The following DLC1 variants were observed in gnomAD, a reference collection of about 807,000 sequenced individuals.
DLC1 encodes DLC1 Rho GTPase activating protein.
DLC1 carries 54 observed loss-of-function variants against 140.3 expected under a neutral mutation model. The ratio of observed to expected loss-of-function variants is 0.38; its 90% confidence interval spans 0.31 to 0.48. DLC1 has a LOEUF of 0.48. Among genes scored for constraint, DLC1 ranks in the 20% least tolerant of loss-of-function variants. The pLI is 0.96. For missense variants in DLC1, 2,536 were observed against 1,907.0 expected (o/e 1.33, Z -6.14); for synonymous variants, 986 against 728.1 (o/e 1.35, Z -5.70).
chr8:13,190,759 T>C (rs537650619), intron 5 of DLC1, among the ~76,000 whole-genome samples: 70 of 151,366 alleles, frequency 4.6e-4, no homozygotes, highest in Non-Finnish European at 8.7e-4. Flanking sequence ...GAGAGGTGAG[T>C]GGAAGGGTGG....
chr8:13,464,108 G>C (rs914866056), intron 2 of DLC1, among the ~76,000 whole-genome samples: 2 of 152,182 alleles, frequency 1.3e-5, no homozygotes, highest in Non-Finnish European at 2.9e-5. Flanking sequence ...CAGCAGGGTT[G>C]TTGTTGGATT....
At chr8:13,270,547 A>G (rs896115449) in intron 5 of DLC1, among the ~76,000 whole-genome samples, 1 of 152,152 alleles carries the variant, frequency 6.6e-6, no homozygotes, top group Admixed American at 6.5e-5. Flanking sequence ...GATATCGTAT[A>G]TCTAGCTTGA....
In DLC1 at chr8:13,598,053, A is replaced by C. The variant is rs1805739819; in HGVS notation, c.-126+6484T>G. ...ACTTGTAGTGGTCTGTCCTGTTTCT[A>C]AGTAAACGCCACTAGGCTTCAGTTT... is the stretch of plus-strand genomic sequence containing the variant. On this transcript the variant is annotated intron_variant, in intron 1 of 1. Coordinates refer to the DLC1 transcript ENST00000631382. 3.3e-5 allele frequency among the ~76,000 whole-genome samples: 5 copies of C among 152,166 alleles called. No homozygotes were observed. In the South Asian group the frequency reaches 1.0e-3, roughly 32 times the overall value.
chr8:13,124,909 GT>G (rs1168994778), intron 5 of DLC1, among the ~76,000 whole-genome samples: 2 of 152,018 alleles, frequency 1.3e-5, no homozygotes, highest in East Asian at 3.9e-4. Flanking sequence ...GAGATCCCCA[GT>G]TTTGTAAATT....
intron 1 of DLC1, among the ~76,000 whole-genome samples, chr8:13,587,634 A>G (rs942341453): frequency 2.7e-5 from 4 of 148,292 alleles, no homozygotes; most frequent in Middle Eastern, 3.6e-3. Flanking sequence ...TACATTGCCT[A>G]TATATATATG....
chr8:13,138,722 C>T (rs1003708347), intron 5 of DLC1, among the ~76,000 whole-genome samples: 1 of 152,162 alleles, frequency 6.6e-6, no homozygotes, highest in East Asian at 1.9e-4. Flanking sequence ...GTTAAGCTTT[C>T]GTGACCCCAA....
At chr8:13,546,975 T>C (rs571107676) in intron 1 of DLC1, among the ~76,000 whole-genome samples, 1 of 152,214 alleles carries the variant, frequency 6.6e-6, no homozygotes, top group African/African-American at 2.4e-5. Context: ...ATAAAAAACA[T>C]AGACTTAGTT....
intron 4 of DLC1, among the ~76,000 whole-genome samples, chr8:13,374,044 T>C (rs1835849778): frequency 6.6e-6 from 1 of 152,172 alleles, no homozygotes; most frequent in South Asian, 2.1e-4. Context: ...AAGGACAAAT[T>C]ATAGGGACTC....
At chr8:13,094,223 G>A (rs978204387) in intron 12 of DLC1, among the ~76,000 whole-genome samples, 4 of 152,116 alleles carry the variant, frequency 2.6e-5, no homozygotes, top group South Asian at 2.1e-4. Context: ...ACGTAAAAAC[G>A]TACAATTGCA....
intron 5 of DLC1, among the ~76,000 whole-genome samples, chr8:13,188,765 C>T (rs147387790): frequency 0.053 from 7,362 of 139,352 alleles, 235 homozygotes; most frequent in Non-Finnish European, 0.071. Context: ...CATGTGCCAC[C>T]ATGCCCAGCT....
intron 5 of DLC1, among the ~76,000 whole-genome samples, chr8:13,144,483 G>A (rs920028770): frequency 3.3e-5 from 5 of 152,090 alleles, no homozygotes; most frequent in South Asian, 2.1e-4. Flanking sequence ...ATTATCTCTC[G>A]GGCCCAGCAC....
intron 5 of DLC1, among the ~76,000 whole-genome samples, chr8:13,163,258 C>T (rs972855274): frequency 6.6e-5 from 10 of 152,186 alleles, no homozygotes; most frequent in Non-Finnish European, 1.0e-4. Flanking sequence ...CTTTAAGACA[C>T]ATTTTTACCT....
chr8:13,329,688 T>A (rs559484943), intron 4 of DLC1, among the ~76,000 whole-genome samples: 1 of 152,318 alleles, frequency 6.6e-6, no homozygotes, highest in Admixed American at 6.5e-5. Context: ...TGATATACAT[T>A]ATGATTTAAA....
chr8:13,097,618 A>T (rs1261241326), intron 10 of DLC1, among the ~76,000 whole-genome samples: 1 of 152,198 alleles, frequency 6.6e-6, no homozygotes, highest in Non-Finnish European at 1.5e-5. Context: ...GGTACTGTAA[A>T]TCAAGAATTT....
intron 5 of DLC1, among the ~76,000 whole-genome samples, chr8:13,289,813 A>G (rs1165006663): frequency 6.6e-6 from 1 of 152,166 alleles, no homozygotes; most frequent in African/African-American, 2.4e-5. Flanking sequence ...CCAGCTTCTC[A>G]TTGTACAGCC....
At position 13,444,453 on chromosome 8, in the gene DLC1, A is replaced by G. The variant is rs995867636; in HGVS notation, c.1024-42834T>C. Reference sequence around the variant, plus strand: ...CTCTAGAACTTAACGTTTAATAATAAAAAAAAGAATTCCTGGTTTTAAGAA... The same window carrying G: ...CTCTAGAACTTAACGTTTAATAATAGAAAAAAGAATTCCTGGTTTTAAGAA... On this transcript the variant is annotated intron_variant, in intron 2 of 17. Transcript: ENST00000276297. Among the ~76,000 whole-genome samples the G allele has an allele frequency of 3.3e-5, 5 of 152,276 alleles. No homozygotes were observed. In the South Asian group the frequency reaches 1.0e-3, roughly 32 times the overall value.
rs766937292 is a variant in DLC1 at position 13,499,503 on chromosome 8, C to G, written c.569G>C (p.Ser190Thr). The change falls in exon 2 of 18, where the codon AGC (serine) becomes ACC (threonine). Residue 190 changes from serine to threonine, a missense_variant. By Grantham distance (58) the Ser-to-Thr change is moderately conservative. Transcript: ENST00000276297. ...GCTTATTTCATTGCAAAGCTCCAGG[C>G]TTTTACTTATAGAGTCAGTAACTTT... ...ERKVTDSISK[S>T]LELCNEISLS... is the part of the protein sequence containing the mutation. 6.2e-7 allele frequency: 1 copy of G among 1,614,104 alleles called. No individual in the cohort carries two copies. The highest frequency in any genetic ancestry group is 8.5e-7 in the Non-Finnish European group (1 of 1,180,014).
At chr8:13,567,864 T>G (rs747821007) in intron 1 of DLC1, 124 of 1,551,788 alleles carry the variant, frequency 8.0e-5, no homozygotes, top group Admixed American at 1.8e-4. Context: ...ATGGAAATAG[T>G]GCTTGTCATT....
At chr8:13,328,195 A>G (rs944989719) in intron 4 of DLC1, among the ~76,000 whole-genome samples, 3 of 152,186 alleles carry the variant, frequency 2.0e-5, no homozygotes, top group African/African-American at 7.2e-5. Context: ...TGTGGTTTCA[A>G]AAGATCTCTG....
Sources: allele counts gnomAD v4.1 joint callset (sites outside exome capture counted in the v4.1 genomes callset), GRCh38; gene constraint gnomAD v4.1.1; transcripts MANE v1.5; gene names NCBI Gene and HGNC (gene_info 2026-07-23, HGNC 2026-07-21).